The following CSMD1 variants were observed in gnomAD, a reference collection of about 807,000 sequenced individuals.
CSMD1 encodes the protein CUB and sushi domain-containing protein 1.
In CSMD1, 213 loss-of-function variants were observed where a neutral mutation model predicts 417.5. That is an observed-to-expected ratio of 0.51 (90% CI 0.46 to 0.57). CSMD1 has a LOEUF of 0.57. Among genes scored for constraint, CSMD1 ranks in the 20% least tolerant of loss-of-function variants. CSMD1 has a pLI of 0.00. For synonymous variants in CSMD1, 2,862 were observed against 1,736.8 expected (o/e 1.65, Z -16.11); for missense variants, 6,923 against 4,529.7 (o/e 1.53, Z -15.17).
intron 12 of CSMD1, among the ~76,000 whole-genome samples, chr8:3,467,569 G>C (rs1296043945): frequency 1.3e-5 from 2 of 152,130 alleles, no homozygotes; most frequent in African/African-American, 2.4e-5. Flanking sequence ...TATTCACAAG[G>C]GTCATTAAGT....
rs117838664 is a variant in CSMD1 at position 4,104,143 on chromosome 8, C to A, written c.416-72044G>T. On this transcript the variant is annotated intron_variant, in intron 3 of 69. Coordinates refer to ENST00000635120, the MANE Select transcript of CSMD1 (RefSeq NM_033225.6). ...GCAGAGTGTTGATTCAGTCCCTCGT[C>A]TGCAGCAGTTACTGTCCTTGATTTT... 1.2e-3 allele frequency among the ~76,000 whole-genome samples: 182 copies of A among 152,354 alleles called. 2 individuals are homozygous for A. The East Asian group carries it at 0.024, about 20-fold the overall frequency.
Position 3,142,965 on chromosome 8 carries a change from T to A in CSMD1, c.6032-291A>T, listed in dbSNP as rs530749224. On this transcript the variant is annotated intron_variant, in intron 40 of 69. Transcript: ENST00000635120. ...GTACCACAGAGCTACACAGGTGGAA[T>A]CCTTAGGTAACAACTAGCACACACG... is the stretch of plus-strand genomic sequence containing the variant. Among the ~76,000 whole-genome samples the A allele has an allele frequency of 7.9e-5, 12 of 152,326 alleles. No individual in the cohort carries two copies. The South Asian group carries it at 2.1e-3, about 26-fold the overall frequency.
In CSMD1 at chr8:4,465,638, G is replaced by C. The variant is rs372067833; in HGVS notation, c.303-45573C>G. Among the ~76,000 whole-genome samples the C allele has an allele frequency of 1.1e-4, 17 of 152,262 alleles. No individual in the cohort carries two copies. The East Asian group carries it at 1.4e-3, about 12-fold the overall frequency. ...TTAAGTTAAGGCCTCAGTAGAACAA[G>C]ATTTCCAAATCCCAAGTACTGGAGA... On this transcript the variant is annotated intron_variant, in intron 2 of 69. Coordinates refer to ENST00000635120, the MANE Select transcript of CSMD1 (RefSeq NM_033225.6).
intron 3 of CSMD1, among the ~76,000 whole-genome samples, chr8:4,211,892 C>T (rs1800333337): frequency 6.6e-6 from 1 of 152,190 alleles, no homozygotes; most frequent in Non-Finnish European, 1.5e-5. Flanking sequence ...CTACAGAAAA[C>T]ATTCTTCCAA....
intron 10 of CSMD1, among the ~76,000 whole-genome samples, chr8:3,552,329 C>CTT (rs146263164): frequency 6.6e-6 from 1 of 150,948 alleles, no homozygotes; most frequent in African/African-American, 2.4e-5. Flanking sequence ...AGCTTATTCT[C>CTT]TTTTTTTTTG....
At chr8:3,588,380 G>C (rs112874610) in intron 8 of CSMD1, among the ~76,000 whole-genome samples, 26 of 152,154 alleles carry the variant, frequency 1.7e-4, no homozygotes, top group Admixed American at 1.5e-3. Flanking sequence ...GAGAGTCCTC[G>C]GGTAGGAAGA....
intron 1 of CSMD1, among the ~76,000 whole-genome samples, chr8:4,901,605 G>A (rs1019994734): frequency 2.0e-5 from 3 of 152,104 alleles, no homozygotes; most frequent in Non-Finnish European, 4.4e-5. Context: ...ACTTCTATTA[G>A]CCTTTGTCCC....
chr8:3,606,319 C>T (rs1049148791), intron 8 of CSMD1, among the ~76,000 whole-genome samples: 1 of 152,150 alleles, frequency 6.6e-6, no homozygotes, highest in Non-Finnish European at 1.5e-5. Flanking sequence ...TAGCCTGATA[C>T]ACAGCTGGGC....
At chr8:4,574,753 C>A (rs1284015339) in intron 2 of CSMD1, among the ~76,000 whole-genome samples, 2 of 152,200 alleles carry the variant, frequency 1.3e-5, no homozygotes, top group Non-Finnish European at 2.9e-5. Context: ...ATGAGGTGTA[C>A]TGATGAAGCA....
chr8:3,543,298 A>G (rs1023217776), intron 10 of CSMD1, among the ~76,000 whole-genome samples: 3 of 152,192 alleles, frequency 2.0e-5, no homozygotes, highest in Non-Finnish European at 4.4e-5. Flanking sequence ...CATTATTAGA[A>G]TAATTTATGT....
At chr8:3,448,589 G>T (rs1181959552) in intron 12 of CSMD1, among the ~76,000 whole-genome samples, 1 of 152,064 alleles carries the variant, frequency 6.6e-6, no homozygotes, top group Non-Finnish European at 1.5e-5. Context: ...AAGTCCATGA[G>T]TACTAATAAA....
intron 1 of CSMD1, among the ~76,000 whole-genome samples, chr8:4,918,126 C>T (rs1275067229): frequency 1.3e-5 from 2 of 152,110 alleles, no homozygotes; most frequent in Non-Finnish European, 1.5e-5. Flanking sequence ...TACAAAACTG[C>T]CCCCTGAAAA....
intron 6 of CSMD1, among the ~76,000 whole-genome samples, chr8:3,733,295 T>C (rs1289003228): frequency 6.7e-6 from 1 of 148,202 alleles, no homozygotes; most frequent in Non-Finnish European, 1.5e-5. Context: ...AATATACATA[T>C]GAATATATAT....
chr8:3,056,862 T>C (rs942481982), intron 49 of CSMD1, among the ~76,000 whole-genome samples: 2 of 151,988 alleles, frequency 1.3e-5, no homozygotes, highest in Non-Finnish European at 2.9e-5. Flanking sequence ...TATAAATATA[T>C]GTACACATAT....
chr8:4,960,522 T>A (rs1809407231), intron 1 of CSMD1, among the ~76,000 whole-genome samples: 1 of 152,152 alleles, frequency 6.6e-6, no homozygotes, highest in Non-Finnish European at 1.5e-5. Flanking sequence ...AAGATAGATG[T>A]AAAGTTAAGC....
intron 10 of CSMD1, among the ~76,000 whole-genome samples, chr8:3,523,129 A>T (rs1428808936): frequency 2.0e-5 from 3 of 151,932 alleles, no homozygotes; most frequent in Non-Finnish European, 4.4e-5. Flanking sequence ...TTTCCTAAAC[A>T]CGTAGAAAAT....
At chr8:3,571,755 C>CGTCTGAGACAA (rs1554473917) in intron 10 of CSMD1, among the ~76,000 whole-genome samples, 2 of 151,846 alleles carry the variant, frequency 1.3e-5, no homozygotes, top group East Asian at 2.0e-4. Context: ...GCTAAGTCTC[C>CGTCTGAGACAA]GTCTGGGGCA....
intron 12 of CSMD1, among the ~76,000 whole-genome samples, chr8:3,417,964 G>T (rs1401487076): frequency 2.6e-5 from 4 of 152,130 alleles, no homozygotes; most frequent in African/African-American, 9.7e-5. Flanking sequence ...CTCTCTCCTT[G>T]TCCGTCACCA....
At chr8:3,643,057 G>C (rs1432828379) in intron 7 of CSMD1, among the ~76,000 whole-genome samples, 1 of 152,090 alleles carries the variant, frequency 6.6e-6, no homozygotes, top group African/African-American at 2.4e-5. Flanking sequence ...CTGTGCATGT[G>C]AGTGTCGACG....
Sources: gnomAD v4.1 joint callset for allele counts (sites outside exome capture counted in the v4.1 genomes callset) on GRCh38, gnomAD v4.1.1 for gene constraint, MANE v1.5 for transcripts, NCBI Gene and HGNC (gene_info 2026-07-23, HGNC 2026-07-21) for gene names.